The following POLG variants were observed in gnomAD, a reference collection of about 807,000 sequenced individuals.
POLG encodes DNA polymerase gamma, catalytic subunit.
In POLG, 110 loss-of-function variants were observed where a neutral mutation model predicts 155.4. The ratio of observed to expected loss-of-function variants is 0.71; its 90% CI spans 0.61 to 0.83. The LOEUF is 0.83. Ranked by LOEUF, POLG falls within the 40% of genes least tolerant of loss-of-function variation. POLG has a pLI of 0.00. For synonymous variants in POLG, 701 were observed against 631.5 expected (o/e 1.11, Z -1.65); for missense variants, 1,685 against 1,627.5 (o/e 1.04, Z -0.61).
intron 2 of POLG, among the ~76,000 whole-genome samples, chr15:89,332,665 C>T (rs2055609671): frequency 6.6e-6 from 1 of 152,004 alleles, no homozygotes; most frequent in African/African-American, 2.4e-5. Flanking sequence ...GCTAAATGTC[C>T]TATACTGCCT....
Position 89,333,707 on chromosome 15 carries a change from T to G in POLG, c.48A>C (p.Pro16=), listed in dbSNP as rs1041095432. 1.3e-6 allele frequency: 2 copies of G among 1,538,874 alleles called. No individual in the cohort carries two copies. Among genetic ancestry groups the G allele is most frequent in the Non-Finnish European group, 8.7e-7 (1 of 1,148,146 alleles). The change falls in exon 2 of 23, where the codon CCA becomes CCC. Residue 16 remains proline, a synonymous_variant. Coordinates refer to ENST00000268124, the MANE Select transcript of POLG (RefSeq NM_002693.3). ...WRKVAGATVG[P]GPVPAPGRWV... is the part of the protein sequence containing the mutation. ...AGCGCCCCGGAGCTGGAACCGGCCC[T>G]GGCCCGACGGTGGCGCCGGCCACCT... is the stretch of plus-strand genomic sequence containing the variant.
chr15:89,325,988 G>T (rs1046775256), intron 9 of POLG, among the ~76,000 whole-genome samples: 1 of 152,148 alleles, frequency 6.6e-6, no homozygotes, highest in Non-Finnish European at 1.5e-5. Context: ...TTCATCCAGG[G>T]TAACTGACCA....
At position 89,325,133 on chromosome 15, in the gene POLG, AGTGAGTG is replaced by A. The variant is rs2055474807; in HGVS notation, c.1949+310_1949+316del. Among the ~76,000 whole-genome samples the A allele has an allele frequency of 1.5e-4, 11 of 73,800 alleles. 1 individual carries two copies. The highest frequency in any genetic ancestry group is 6.2e-4 in the African/African-American group (11 of 17,776). The allele number at this position is 73,800 out of a possible 152,430, so 48.4% of individuals were successfully genotyped here. ...GAGAGAGTGAGTGAGTGAGTGAGAG[AGTGAGTG>A]AGAGAGTGAGTGAGTGAGTGAGTGA... is the stretch of plus-strand genomic sequence containing the variant. On this transcript the variant is annotated intron_variant, in intron 10 of 22. Coordinates refer to ENST00000268124, the MANE Select transcript of POLG (RefSeq NM_002693.3).
At chr15:89,320,704 A>C (rs1473430021) in intron 18 of POLG, 62 bp downstream of exon 18, 6 of 1,590,264 alleles carry the variant, frequency 3.8e-6, no homozygotes, top group Non-Finnish European at 5.1e-6. Context: ...TGGTAGTACT[A>C]AAGGACAGTA....
At chr15:89,325,259 T>TGAGTGAGTGAGA (rs2055494576) in intron 10 of POLG, among the ~76,000 whole-genome samples, 191 bp downstream of exon 10, 1 of 80,428 alleles carries the variant, frequency 1.2e-5, no homozygotes, top group African/African-American at 7.9e-5. Flanking sequence ...AGAGAGAGAG[T>TGAGTGAGTGAGA]GAGTGAGTGA....
chr15:89,322,254 C>T (rs556783578), intron 14 of POLG, among the ~76,000 whole-genome samples: 4 of 152,158 alleles, frequency 2.6e-5, no homozygotes, highest in African/African-American at 7.2e-5. Context: ...CGCTCCTCTC[C>T]GGGGGGCATC....
At position 89,316,692 on chromosome 15, in the gene POLG, G is replaced by GGAGCCTGCACCACCCCGATGA. The variant is rs2055276784; in HGVS notation, c.*38_*58dup. The GGAGCCTGCACCACCCCGATGA allele has an allele frequency of 2.8e-6, 4 of 1,413,786 alleles. No homozygotes were observed. The South Asian group carries it at 4.6e-5, about 16-fold the overall frequency. The allele number at this position is 1,413,786 out of a possible 1,614,324, so 87.6% of individuals were successfully genotyped here. ...AAGCACAGCTGAAAGCCTGAGTTTG[G>GGAGCCTGCACCACCCCGATGA]GAGCCTGCACCACCCCGATGAAGCT... On this transcript the variant is annotated 3_prime_UTR_variant, in exon 23 of 23. Coordinates refer to ENST00000268124, the MANE Select transcript of POLG (RefSeq NM_002693.3).
Position 89,317,316 on chromosome 15 carries a change from C to A in POLG, c.3643+60G>T, listed in dbSNP as rs3176236. The A allele has an allele frequency of 8.0e-3, 12,414 of 1,556,710 alleles. 684 individuals are homozygous for A. The African/African-American group carries it at 0.14, about 17-fold the overall frequency. The stretch of plus-strand genomic sequence containing the variant: ...GCCCCAAGTTTCCTGTTCTCCAAGA[C>A]CCACTTTCTAGTCCACCTCAGATCC... On this transcript the variant is annotated intron_variant, in intron 22 of 22. Coordinates refer to ENST00000268124, the MANE Select transcript of POLG (RefSeq NM_002693.3).
At chr15:89,319,422 G>T in intron 18 of POLG, 72 bp from the exon 19 acceptor site, 2 of 1,589,072 alleles carry the variant, frequency 1.3e-6, no homozygotes, top group South Asian at 2.2e-5. Flanking sequence ...GGCAAGGAAT[G>T]TTCACATATC....
At chr15:89,329,232 C>A in intron 3 of POLG, 122 bp from the exon 4 acceptor site, 1 of 774,182 alleles carries the variant, frequency 1.3e-6, no homozygotes, top group Non-Finnish European at 2.2e-6. Context: ...GCCTCCCCTC[C>A]CAGCACACAG....
At chr15:89,317,832 T>C in intron 21 of POLG, 1 of 434,914 alleles carries the variant, frequency 2.3e-6, no homozygotes, top group South Asian at 2.2e-5. Context: ...GGCCAGAGTT[T>C]GAAGCATAAA....
At chr15:89,317,288 G>C in intron 22 of POLG, 88 bp downstream of exon 22, 1 of 1,325,810 alleles carries the variant, frequency 7.5e-7, no homozygotes, top group Non-Finnish European at 1.1e-6. Context: ...TGGATTCTCT[G>C]GGGCCCCAAG....
At position 89,321,900 on chromosome 15, in the gene POLG, G is replaced by A. The variant is rs760551636; in HGVS notation, c.2481-47C>T. ...AAATGGGTCTTAGCAGGGTGCTTTG[G>A]CCTTAGGACCTACCACCTCACCTCA... On this transcript the variant is annotated intron_variant, in intron 15 of 22. Coordinates refer to ENST00000268124, the MANE Select transcript of POLG (RefSeq NM_002693.3). The A allele has an allele frequency of 1.9e-6, 3 of 1,604,524 alleles. No homozygotes were observed. In the Admixed American group the frequency reaches 5.0e-5, roughly 27 times the overall value.
At chr15:89,328,622 T>C in intron 5 of POLG, 63 bp downstream of exon 5, 6 of 1,608,244 alleles carry the variant, frequency 3.7e-6, no homozygotes, top group Non-Finnish European at 5.1e-6. Flanking sequence ...CAGCTGCATC[T>C]CCCCAAGTGC....
Position 89,330,068 on chromosome 15 carries a change from C to G in POLG, c.855+13G>C, listed in dbSNP as rs781130753. ...CCCATGCCAGAACCTGCAGTTGGCC[C>G]CAGGAACCTTACCTGGATCAGGTAC... On this transcript the variant is annotated intron_variant, in intron 3 of 22. Transcript: ENST00000268124. 6 of 1,612,072 alleles carry G rather than the reference C, an allele frequency of 3.7e-6. No homozygotes were observed. The highest frequency in any genetic ancestry group is 5.1e-6 in the Non-Finnish European group (6 of 1,178,126).
intron 1 of POLG, among the ~76,000 whole-genome samples, chr15:89,334,214 T>C (rs1470529132): frequency 1.3e-5 from 2 of 152,214 alleles, no homozygotes; most frequent in African/African-American, 4.8e-5. Flanking sequence ...TGTGTGACCT[T>C]GGGCAAAGCT....
At position 89,321,242 on chromosome 15, in the gene POLG, C is replaced by A. The variant is rs121918047; in HGVS notation, c.2617G>T (p.Glu873Ter). ...GGGGCCTGCACCATGGCTTTCAACT[C>A]ACTGCCTACTCGGTCAGGCTGTGGG... Reference protein sequence around the residue: ...SNARPDRVGSELKAMVQAPPG... With the variant: ...SNARPDRVGS The change falls in exon 17 of 23, where the codon GAG becomes TAG. Residue 873 changes from glutamate to a stop codon, truncating the protein, a stop_gained. Coordinates refer to ENST00000268124, the MANE Select transcript of POLG (RefSeq NM_002693.3). LOFTEE classifies it high-confidence loss of function. 3 of 1,614,188 alleles carry A rather than the reference C, an allele frequency of 1.9e-6. No homozygotes were observed. In the African/African-American group the frequency reaches 4.0e-5, roughly 22 times the overall value.
chr15:89,316,696 C>G lies in POLG; in HGVS notation c.*55G>C. The G allele has an allele frequency of 7.0e-7, 1 of 1,422,222 alleles. No homozygotes were observed. Among genetic ancestry groups the G allele is most frequent in the Admixed American group, 1.7e-5 (1 of 57,874 alleles). The allele number at this position is 1,422,222 out of a possible 1,614,324, so 88.1% of individuals were successfully genotyped here. ...ACAGCTGAAAGCCTGAGTTTGGGAG[C>G]CTGCACCACCCCGATGAAGCTCCAC... On this transcript the variant is annotated 3_prime_UTR_variant, in exon 23 of 23. Transcript: ENST00000268124.
intron 2 of POLG, among the ~76,000 whole-genome samples, chr15:89,330,705 C>A (rs2055582639): frequency 6.6e-6 from 1 of 151,364 alleles, no homozygotes; most frequent in Non-Finnish European, 1.5e-5. Context: ...ATAACAGAAC[C>A]CAAGGTGGAG....
Sources: gnomAD v4.1 joint callset for allele counts (sites outside exome capture counted in the v4.1 genomes callset) on GRCh38, gnomAD v4.1.1 for gene constraint, MANE v1.5 for transcripts, NCBI Gene and HGNC (gene_info 2026-07-23, HGNC 2026-07-21) for gene names.